The following RHBDD1 variants were observed in gnomAD, a reference collection of about 807,000 sequenced individuals.
RHBDD1 encodes rhomboid domain containing 1.
A neutral mutation model predicts 36.3 loss-of-function variants in RHBDD1; 38 were observed. The ratio of observed to expected loss-of-function variants is 1.05; its 90% CI spans 0.81 to 1.37. The LOEUF is 1.37. Ranked by LOEUF, RHBDD1 falls within the 40% of genes most tolerant of loss-of-function variation. RHBDD1 has a pLI of 0.00. For missense variants in RHBDD1, 393 were observed against 377.6 expected (o/e 1.04, Z -0.34); for synonymous variants, 151 against 136.5 (o/e 1.11, Z -0.74).
At chr2:226,835,872 C>T (rs1290890404), upstream of RHBDD1, 7 of 152,466 alleles carry the variant, frequency 4.6e-5, no homozygotes, top group Non-Finnish European at 5.9e-5. Flanking sequence ...CCGCTGTGCC[C>T]TCGCGGCCCC....
At chr2:226,862,974 G>T (rs1173865135) in intron 3 of RHBDD1, among the ~76,000 whole-genome samples, 2 of 152,180 alleles carry the variant, frequency 1.3e-5, no homozygotes, top group African/African-American at 4.8e-5. Context: ...CCCAGGGAGG[G>T]CATTCATCTT....
the RHBDD1 span, among the ~76,000 whole-genome samples, chr2:226,822,135 CA>C: frequency 6.6e-6 from 1 of 152,298 alleles, no homozygotes; most frequent in East Asian, 1.9e-4. Context: ...GTTAGGCCCA[CA>C]AATAGCTTTA....
chr2:226,969,015 A>G (rs1433289843), intron 8 of RHBDD1: 1 of 205,432 alleles, frequency 4.9e-6, no homozygotes, highest in Non-Finnish European at 1.0e-5. Context: ...TGGACCAGTC[A>G]TGGACACAGG....
At chr2:226,990,100 G>C (rs145113555) in intron 8 of RHBDD1, among the ~76,000 whole-genome samples, 6 of 152,318 alleles carry the variant, frequency 3.9e-5, no homozygotes, top group African/African-American at 9.6e-5. Flanking sequence ...TTTATAAAGA[G>C]AGAATATTAT....
At chr2:226,873,207 G>A (rs1437321117) in intron 5 of RHBDD1, among the ~76,000 whole-genome samples, 1 of 152,176 alleles carries the variant, frequency 6.6e-6, no homozygotes, top group Non-Finnish European at 1.5e-5. Flanking sequence ...TTTTTGCACT[G>A]TAAAGACTGG....
At chr2:226,829,514 T>C in the RHBDD1 span, among the ~76,000 whole-genome samples, 2 of 152,238 alleles carry the variant, frequency 1.3e-5, no homozygotes, top group Non-Finnish European at 1.5e-5. Flanking sequence ...GAAATGTCAA[T>C]TTATCTCAGC....
chr2:226,934,645 A>G (rs749262056), intron 8 of RHBDD1, among the ~76,000 whole-genome samples: 5 of 152,190 alleles, frequency 3.3e-5, no homozygotes, highest in East Asian at 1.9e-4. Context: ...AACATTTACT[A>G]CTACTAACAA....
At chr2:226,905,608 G>A (rs1355857518) in intron 5 of RHBDD1, among the ~76,000 whole-genome samples, 2 of 152,200 alleles carry the variant, frequency 1.3e-5, no homozygotes, top group Non-Finnish European at 2.9e-5. Context: ...TGCCTCAGGA[G>A]GATAACTGAT....
At chr2:226,870,991 T>C (rs1245899083) in intron 5 of RHBDD1, among the ~76,000 whole-genome samples, 3 of 152,206 alleles carry the variant, frequency 2.0e-5, no homozygotes, top group African/African-American at 4.8e-5. Context: ...GGATCCACTG[T>C]ATTTGGTAAA....
chr2:226,903,020 G>C (rs1947723816), intron 5 of RHBDD1, among the ~76,000 whole-genome samples: 1 of 152,148 alleles, frequency 6.6e-6, no homozygotes, highest in African/African-American at 2.4e-5. Context: ...TTTGAAACCA[G>C]AGTTTCAGAA....
At position 226,914,189 on chromosome 2, in the gene RHBDD1, C is replaced by T. The variant is rs1169666950; in HGVS notation, c.713-19C>T. 1 of 1,612,358 alleles carries T rather than the reference C, an allele frequency of 6.2e-7. No individual in the cohort carries two copies. The highest frequency in any genetic ancestry group is 8.5e-7 in the Non-Finnish European group (1 of 1,179,134). On this transcript the variant is annotated intron_variant, in intron 7 of 8. Transcript: ENST00000392062. ...ACAGTCCATAGCTGTGTTCTAGAAC[C>T]TTTTCCTTGTGCCTTTAGGCAGCTC...
At chr2:226,839,892 G>A (rs1941419924) in intron 3 of RHBDD1, among the ~76,000 whole-genome samples, 3 of 152,164 alleles carry the variant, frequency 2.0e-5, no homozygotes, top group East Asian at 1.9e-4. Flanking sequence ...CAAATGACTC[G>A]GGGAAAAAGA....
the RHBDD1 span, among the ~76,000 whole-genome samples, chr2:226,813,619 G>A: frequency 6.6e-6 from 1 of 152,158 alleles, no homozygotes; most frequent in South Asian, 2.1e-4. Flanking sequence ...TGCCATCATT[G>A]TAAATGCTGA....
intron 8 of RHBDD1, among the ~76,000 whole-genome samples, chr2:226,978,403 A>G (rs1050938292): frequency 6.6e-6 from 1 of 152,166 alleles, no homozygotes; most frequent in African/African-American, 2.4e-5. Flanking sequence ...CTGGTGTCCA[A>G]AGCAAACTGG....
At chr2:226,902,416 A>G (rs1355581257) in intron 5 of RHBDD1, among the ~76,000 whole-genome samples, 1 of 152,178 alleles carries the variant, frequency 6.6e-6, no homozygotes, top group Non-Finnish European at 1.5e-5. Flanking sequence ...GACTGGTGAG[A>G]ACCACCTTCC....
intron 3 of RHBDD1, among the ~76,000 whole-genome samples, chr2:226,860,903 T>C (rs538794039): frequency 9.8e-5 from 15 of 152,334 alleles, no homozygotes; most frequent in African/African-American, 3.6e-4. Context: ...ACAATATTTT[T>C]ATTTCCTTCA....
At chr2:226,922,449 C>T (rs892694202) in intron 8 of RHBDD1, among the ~76,000 whole-genome samples, 12 of 151,822 alleles carry the variant, frequency 7.9e-5, no homozygotes, top group South Asian at 6.2e-4. Flanking sequence ...CCTTGTGATC[C>T]GCCCACCTCG....
the RHBDD1 span, among the ~76,000 whole-genome samples, chr2:226,818,875 AAC>A: frequency 6.6e-6 from 1 of 151,960 alleles, no homozygotes; most frequent in Non-Finnish European, 1.5e-5. Flanking sequence ...AAAAACAAAA[AAC>A]AGATGACCTG....
At chr2:226,917,932 G>A (rs1234516557) in intron 8 of RHBDD1, among the ~76,000 whole-genome samples, 3 of 151,826 alleles carry the variant, frequency 2.0e-5, no homozygotes, top group African/African-American at 7.3e-5. Flanking sequence ...TTTGAATATA[G>A]GACTTTCTAA....
Sources: gnomAD v4.1 joint callset for allele counts (sites outside exome capture counted in the v4.1 genomes callset) on GRCh38, gnomAD v4.1.1 for gene constraint, MANE v1.5 for transcripts, NCBI Gene and HGNC (gene_info 2026-07-23, HGNC 2026-07-21) for gene names.